TLR6: variants seen among roughly 807,000 people sequenced by gnomAD.
The protein encoded by TLR6 is toll like receptor 6.
Under a neutral mutation model 16.1 loss-of-function variants are expected in TLR6, and 9 were observed. That is an observed-to-expected ratio of 0.56 (90% CI 0.34 to 0.98). TLR6 has a LOEUF of 0.98. TLR6 is among the 50% of genes least tolerant of loss of function. The pLI, the probability that TLR6 is intolerant of heterozygous loss-of-function variation, is 0.02. For missense variants in TLR6, 786 were observed against 921.0 expected, an observed-to-expected ratio of 0.85 and a Z score of 1.90; for synonymous variants, 340 against 338.6, an observed-to-expected ratio of 1.00 and a Z score of -0.04.
chr4:38,825,462 G>GGA (rs1175487352), exon 2 of TLR6: 1 of 152,180 alleles, frequency 6.6e-6, no homozygotes, highest in African/African-American at 2.4e-5. Flanking sequence ...TACACAAAGA[G>GGA]GAGCAGATCT....
At chr4:38,838,689 T>C (rs1322261036) in intron 1 of TLR6, among the ~76,000 whole-genome samples, 1 of 152,110 alleles carries the variant, frequency 6.6e-6, no homozygotes, top group Non-Finnish European at 1.5e-5. Context: ...AGGGTGACTA[T>C]AGCTAACAAT....
chr4:38,837,793 A>G (rs757882565), intron 1 of TLR6, among the ~76,000 whole-genome samples: 2 of 152,238 alleles, frequency 1.3e-5, no homozygotes, highest in Non-Finnish European at 2.9e-5. Context: ...GAAACAATCA[A>G]CAGGGTGAAT....
At chr4:38,854,071 A>G (rs1484661137) in intron 1 of TLR6, among the ~76,000 whole-genome samples, 2 of 152,220 alleles carry the variant, frequency 1.3e-5, no homozygotes, top group African/African-American at 4.8e-5. Context: ...GTTTTTATCT[A>G]TATTTTTCAA....
intron 1 of TLR6, among the ~76,000 whole-genome samples, chr4:38,830,583 C>T (rs56025650): frequency 1.3e-5 from 2 of 152,068 alleles, no homozygotes; most frequent in Admixed American, 6.6e-5. Flanking sequence ...GGCATGGTGG[C>T]GTGTGCCTAT....
At chr4:38,833,056 A>ACAC (rs1455177015) in intron 1 of TLR6, among the ~76,000 whole-genome samples, 3 of 152,108 alleles carry the variant, frequency 2.0e-5, no homozygotes, top group African/African-American at 7.2e-5. Flanking sequence ...CATGCATGCC[A>ACAC]CACGGGGTCC....
chr4:38,849,133 T>G (rs1712662466), intron 1 of TLR6, among the ~76,000 whole-genome samples: 1 of 152,140 alleles, frequency 6.6e-6, no homozygotes, highest in Non-Finnish European at 1.5e-5. Flanking sequence ...TCAACGTTCT[T>G]AAAGAAAAGA....
At chr4:38,862,994 A>G in the TLR6 span, among the ~76,000 whole-genome samples, 1 of 149,642 alleles carries the variant, frequency 6.7e-6, no homozygotes, top group South Asian at 2.1e-4. Context: ...TTGCTCCTCT[A>G]TATACCAGAA....
At chr4:38,849,723 G>A (rs1011114039) in intron 1 of TLR6, among the ~76,000 whole-genome samples, 3 of 152,172 alleles carry the variant, frequency 2.0e-5, no homozygotes, top group Admixed American at 6.5e-5. Context: ...AACAAGAAGA[G>A]CTAACTATCC....
At chr4:38,831,574 A>G (rs1579242231) in intron 1 of TLR6, among the ~76,000 whole-genome samples, 1 of 152,316 alleles carries the variant, frequency 6.6e-6, no homozygotes, top group East Asian at 1.9e-4. Context: ...TGAAAAAGAC[A>G]AACCACAGAC....
At chr4:38,836,036 A>C (rs1021868021) in intron 1 of TLR6, among the ~76,000 whole-genome samples, 4 of 152,200 alleles carry the variant, frequency 2.6e-5, no homozygotes, top group Non-Finnish European at 5.9e-5. Context: ...GATTTGAAAT[A>C]AACAACCTAA....
At chr4:38,864,653 A>G in the TLR6 span, among the ~76,000 whole-genome samples, 4 of 152,220 alleles carry the variant, frequency 2.6e-5, no homozygotes, top group Admixed American at 6.5e-5. Flanking sequence ...TAATATTCTA[A>G]AACATTGAAA....
exon 2 of TLR6, chr4:38,826,883 C>A: frequency 2.0e-6 from 1 of 499,454 alleles, no homozygotes; most frequent in Non-Finnish European, 3.5e-6. Flanking sequence ...AATGATTAAA[C>A]CAGAAGAGAC....
chr4:38,829,148 T>C, exon 2 of TLR6: 1 of 1,614,098 alleles, frequency 6.2e-7, no homozygotes, highest in Non-Finnish European at 8.5e-7. Context: ...CAACTGATTA[T>C]GAGATAAATC....
At position 38,827,170 on chromosome 4, in the gene TLR6, G is replaced by T. The variant is rs755480875; in HGVS notation, c.2304C>A (p.Ser768Arg). ...TGTTAGCCCAAAAGAGCCCACGTTT[G>T]CTTTTCTCCTTGGGCCACTGCAAAT... The change falls in exon 2 of 2, where the codon AGC (serine) becomes AGA (arginine). Residue 768 changes from serine to arginine, a missense_variant. Transcript: ENST00000436693. 3.7e-6 allele frequency: 6 copies of T among 1,614,178 alleles called. No individual in the cohort carries two copies. In the East Asian group the frequency reaches 1.1e-4, roughly 30 times the overall value.
intron 1 of TLR6, among the ~76,000 whole-genome samples, chr4:38,850,252 C>T (rs1712711243): frequency 6.6e-6 from 1 of 152,134 alleles, no homozygotes; most frequent in Admixed American, 6.6e-5. Flanking sequence ...AAATTTATAG[C>T]ACTAAATGCC....
At chr4:38,836,467 A>G (rs546885366) in intron 1 of TLR6, among the ~76,000 whole-genome samples, 5 of 152,362 alleles carry the variant, frequency 3.3e-5, no homozygotes, top group African/African-American at 9.6e-5. Flanking sequence ...ATAACAAGTA[A>G]TAAGTTTGAA....
At chr4:38,854,981 G>A (rs1228592613) in intron 1 of TLR6, among the ~76,000 whole-genome samples, 4 of 152,100 alleles carry the variant, frequency 2.6e-5, no homozygotes, top group African/African-American at 7.2e-5. Context: ...AGGCCAAGGC[G>A]GGTGGATCAC....
chr4:38,825,769 G>A (rs1727515764), exon 2 of TLR6: 2 of 152,168 alleles, frequency 1.3e-5, no homozygotes, highest in Admixed American at 1.3e-4. Context: ...TGCAAGCCCA[G>A]CTACTCTTCC....
chr4:38,841,541 A>G (rs1476551042), intron 1 of TLR6, among the ~76,000 whole-genome samples: 2 of 152,216 alleles, frequency 1.3e-5, no homozygotes, highest in Non-Finnish European at 2.9e-5. Context: ...TGCAGTGAGC[A>G]GAGATTAAAA....
Sources: gnomAD v4.1 joint callset for allele counts (sites outside exome capture counted in the v4.1 genomes callset) on GRCh38, gnomAD v4.1.1 for gene constraint, MANE v1.5 for transcripts, NCBI Gene and HGNC (gene_info 2026-07-23, HGNC 2026-07-21) for gene names.